Variants in CNTNAP2 observed in about 807,000 individuals in gnomAD.
CNTNAP2 encodes contactin-associated protein-like 2.
A neutral mutation model predicts 155.2 loss-of-function variants in CNTNAP2; 98 were observed. That is an observed-to-expected ratio of 0.63 (90% CI 0.54 to 0.75). The LOEUF (loss-of-function observed/expected upper bound fraction) is 0.75. Ranked by LOEUF, CNTNAP2 falls within the 30% of genes least tolerant of loss-of-function variation. The probability of loss-of-function intolerance (pLI) is 0.00; values close to 1 mark genes in which losing one functional copy is unlikely to be tolerated. For synonymous variants in CNTNAP2, 651 were observed against 631.2 expected (o/e 1.03, Z -0.47); for missense variants, 1,727 against 1,688.1 (o/e 1.02, Z -0.40).
Position 147,979,804 on chromosome 7 carries a change from G to A in CNTNAP2, c.2383+1815G>A, listed in dbSNP as rs1034226460. ...TGCCCGACTGATTTTTGCACTTTTAGTAGAGACGGGGTTTCACCATGTTGG... is the reference window on the plus strand; with the variant it reads ...TGCCCGACTGATTTTTGCACTTTTAATAGAGACGGGGTTTCACCATGTTGG... On this transcript the variant is annotated intron_variant, in intron 15 of 23. Transcript: ENST00000361727. Among the ~76,000 whole-genome samples, 3 of 151,964 alleles carry A rather than the reference G, an allele frequency of 2.0e-5. No individual in the cohort carries two copies. The East Asian group carries it at 5.8e-4, about 29-fold the overall frequency.
intron 1 of CNTNAP2, among the ~76,000 whole-genome samples, chr7:146,464,763 A>T (rs1796691549): frequency 6.6e-6 from 1 of 152,152 alleles, no homozygotes; most frequent in Non-Finnish European, 1.5e-5. Flanking sequence ...CTATGTTGGA[A>T]AGTCTTATAA....
At chr7:147,974,081 A>G (rs1221705523) in intron 14 of CNTNAP2, among the ~76,000 whole-genome samples, 1 of 152,178 alleles carries the variant, frequency 6.6e-6, no homozygotes, top group Non-Finnish European at 1.5e-5. Flanking sequence ...AAATTTTTTT[A>G]AGTTCAAAAC....
chr7:147,358,302 T>C (rs896530187), intron 9 of CNTNAP2, among the ~76,000 whole-genome samples: 1 of 152,166 alleles, frequency 6.6e-6, no homozygotes, highest in Non-Finnish European at 1.5e-5. Flanking sequence ...TCCTCTTCTC[T>C]ATAAGCAAAC....
intron 11 of CNTNAP2, among the ~76,000 whole-genome samples, chr7:147,522,640 G>A (rs1799247525): frequency 6.6e-6 from 1 of 151,774 alleles, no homozygotes; most frequent in Non-Finnish European, 1.5e-5. Context: ...ATATTCTCCA[G>A]TTTTACAAAT....
At chr7:147,155,871 G>T (rs959382826) in intron 8 of CNTNAP2, among the ~76,000 whole-genome samples, 1 of 152,114 alleles carries the variant, frequency 6.6e-6, no homozygotes, top group Admixed American at 6.6e-5. Context: ...ACCCTGAGGA[G>T]CTTAGATCAG....
chr7:146,566,777 C>T (rs1442636217), intron 1 of CNTNAP2, among the ~76,000 whole-genome samples: 1 of 151,858 alleles, frequency 6.6e-6, no homozygotes, highest in African/African-American at 2.4e-5. Flanking sequence ...TACAAGTAAC[C>T]TAGTTGGATT....
chr7:146,249,876 ACTTTT>A (rs1436029427), intron 1 of CNTNAP2, among the ~76,000 whole-genome samples: 2 of 152,062 alleles, frequency 1.3e-5, no homozygotes, highest in African/African-American at 2.4e-5. Context: ...GGAATGAGAG[ACTTTT>A]CTTGAAAAAA....
chr7:146,841,311 A>G (rs920923914), intron 3 of CNTNAP2, among the ~76,000 whole-genome samples: 1 of 151,814 alleles, frequency 6.6e-6, no homozygotes, highest in South Asian at 2.1e-4. Flanking sequence ...AGAAAATTTG[A>G]AAGAGTTGCC....
chr7:147,370,990 A>G (rs1032723752), intron 9 of CNTNAP2, among the ~76,000 whole-genome samples: 3 of 152,116 alleles, frequency 2.0e-5, no homozygotes, highest in African/African-American at 4.8e-5. Flanking sequence ...TTTAGCTCCA[A>G]TATCAAAGAG....
intron 10 of CNTNAP2, among the ~76,000 whole-genome samples, chr7:147,450,990 C>A (rs191521896): frequency 6.6e-6 from 1 of 152,232 alleles, no homozygotes; most frequent in African/African-American, 2.4e-5. Flanking sequence ...CAGACCCTTA[C>A]TGTTCTTTGA....
chr7:147,520,536 C>T (rs1158265085), intron 11 of CNTNAP2, among the ~76,000 whole-genome samples: 1 of 152,110 alleles, frequency 6.6e-6, no homozygotes, highest in Non-Finnish European at 1.5e-5. Context: ...AAGATGGCTT[C>T]CTCTAAGTTT....
intron 1 of CNTNAP2, among the ~76,000 whole-genome samples, chr7:146,545,226 G>A (rs1798011874): frequency 6.6e-6 from 1 of 151,712 alleles, no homozygotes; most frequent in South Asian, 2.1e-4. Context: ...TGAGGGAGTG[G>A]GAGTTATCAA....
At chr7:147,268,429 C>T (rs1026508927) in intron 8 of CNTNAP2, among the ~76,000 whole-genome samples, 2 of 152,120 alleles carry the variant, frequency 1.3e-5, no homozygotes, top group African/African-American at 4.8e-5. Flanking sequence ...GGAAACACCA[C>T]GTGTTCTCAC....
chr7:146,535,585 G>T (rs1408639575), intron 1 of CNTNAP2, among the ~76,000 whole-genome samples: 1 of 149,376 alleles, frequency 6.7e-6, no homozygotes, highest in Non-Finnish European at 1.5e-5. Context: ...ATTGACAATT[G>T]TATAAATTTA....
intron 21 of CNTNAP2, among the ~76,000 whole-genome samples, chr7:148,365,817 C>T (rs1183565368): frequency 1.0e-5 from 1 of 98,310 alleles, no homozygotes; most frequent in Non-Finnish European, 2.2e-5. Context: ...TGCATGTATA[C>T]ATGCATGTGT....
chr7:147,241,184 G>C (rs1224304540), intron 8 of CNTNAP2, among the ~76,000 whole-genome samples: 1 of 152,140 alleles, frequency 6.6e-6, no homozygotes, highest in East Asian at 1.9e-4. Context: ...GTTTCTCTCT[G>C]TCATGGAGGC....
At chr7:147,831,278 A>T (rs1798540963) in intron 13 of CNTNAP2, among the ~76,000 whole-genome samples, 1 of 152,194 alleles carries the variant, frequency 6.6e-6, no homozygotes. Flanking sequence ...AATAATCCCC[A>T]AGTACGCCTG....
intron 21 of CNTNAP2, among the ~76,000 whole-genome samples, chr7:148,337,359 A>G (rs1351507519): frequency 3.3e-5 from 5 of 151,978 alleles, no homozygotes; most frequent in Non-Finnish European, 7.4e-5. Context: ...AGCCGGGAGG[A>G]CTTTCCTTCT....
chr7:146,917,673 A>G (rs755393420), intron 3 of CNTNAP2, among the ~76,000 whole-genome samples: 6 of 152,100 alleles, frequency 3.9e-5, no homozygotes, highest in Non-Finnish European at 8.8e-5. Context: ...GAGGTAATTG[A>G]ATCATGGGGT....
Sources: gnomAD v4.1 joint callset for allele counts (sites outside exome capture counted in the v4.1 genomes callset) on GRCh38, gnomAD v4.1.1 for gene constraint, MANE v1.5 for transcripts, NCBI Gene and HGNC (gene_info 2026-07-23, HGNC 2026-07-21) for gene names.